RMDN2: variants seen among roughly 807,000 people sequenced by gnomAD.
The protein encoded by RMDN2 is regulator of microtubule dynamics 2.
In RMDN2, 61 loss-of-function variants were observed where a neutral mutation model predicts 52.8. The ratio of observed to expected loss-of-function variants is 1.16; its 90% CI spans 0.94 to 1.43. The LOEUF is 1.43. RMDN2 is among the 40% of genes most tolerant of loss of function. RMDN2 has a pLI of 0.00. For synonymous variants in RMDN2, 180 were observed against 153.1 expected (o/e 1.18, Z -1.30); for missense variants, 592 against 475.3 (o/e 1.25, Z -2.28).
In RMDN2 at chr2:37,997,451, T is replaced by A; in HGVS notation, c.981T>A (p.Ala327=). ...TGAGCTGGATTGAGAAAAAAATGGCTGCTACTCTGTTTGGAAAAATACCAT... is the reference window on the plus strand; with the variant it reads ...TGAGCTGGATTGAGAAAAAAATGGCAGCTACTCTGTTTGGAAAAATACCAT... ...SKLSWIEKKM[A]ATLFGKIPSS... The change falls in exon 8 of 11, where the codon GCT becomes GCA. Residue 327 remains alanine (A), a synonymous_variant. Coordinates refer to ENST00000354545, the MANE Select transcript of RMDN2 (RefSeq NM_001170791.3). The A allele has an allele frequency of 2.5e-6, 4 of 1,613,900 alleles. No homozygotes were observed. The highest frequency in any genetic ancestry group is 3.4e-6 in the Non-Finnish European group (4 of 1,179,832).
rs76405616 is a variant in RMDN2 at position 37,978,627 on chromosome 2, A to G, written c.731-2656A>G. Reference sequence around the variant, plus strand: ...GATAGCTTGAGCTCAGAAGCCCGAGACCAGCCTGGGCAACATAGGGAGACC... The same window carrying G: ...GATAGCTTGAGCTCAGAAGCCCGAGGCCAGCCTGGGCAACATAGGGAGACC... On this transcript the variant is annotated intron_variant, in intron 4 of 10. Transcript: ENST00000354545. Among the ~76,000 whole-genome samples the G allele has an allele frequency of 2.7e-3, 408 of 152,040 alleles. 10 individuals carry two copies. The East Asian group carries it at 0.067, about 25-fold the overall frequency.
upstream of RMDN2, among the ~76,000 whole-genome samples, chr2:37,922,777 C>G (rs145895308): frequency 5.8e-3 from 882 of 152,254 alleles, 12 homozygotes; most frequent in African/African-American, 0.02. Flanking sequence ...TGTGTAGCTT[C>G]TCAAGGGAAA....
intron 5 of RMDN2, among the ~76,000 whole-genome samples, chr2:37,988,008 A>C (rs1674265314): frequency 6.6e-6 from 1 of 152,146 alleles, no homozygotes; most frequent in African/African-American, 2.4e-5. Flanking sequence ...GCAGTGAGCC[A>C]AGATTGCACC....
chr2:38,060,468 T>G (rs1350113576), intron 10 of RMDN2, among the ~76,000 whole-genome samples: 1 of 152,218 alleles, frequency 6.6e-6, no homozygotes, highest in Non-Finnish European at 1.5e-5. Flanking sequence ...AGCTCTAGAA[T>G]GCCAACTGGA....
chr2:37,967,589 A>G (rs1671233487), intron 2 of RMDN2, among the ~76,000 whole-genome samples: 1 of 152,232 alleles, frequency 6.6e-6, no homozygotes, highest in African/African-American at 2.4e-5. Flanking sequence ...ACATCTACTT[A>G]TTATGAAAGT....
intron 10 of RMDN2, among the ~76,000 whole-genome samples, chr2:38,037,842 A>G (rs1680687357): frequency 6.6e-6 from 1 of 152,200 alleles, no homozygotes; most frequent in Admixed American, 6.5e-5. Context: ...TTTACAGATG[A>G]TGAAACTCTT....
chr2:38,060,345 A>G (rs1297571132), intron 10 of RMDN2, among the ~76,000 whole-genome samples: 1 of 152,152 alleles, frequency 6.6e-6, no homozygotes, highest in African/African-American at 2.4e-5. Flanking sequence ...CCATTTTTAC[A>G]GCAATCATTC....
intron 2 of RMDN2, among the ~76,000 whole-genome samples, chr2:37,948,898 A>T (rs191593096): frequency 6.6e-6 from 1 of 152,274 alleles, no homozygotes; most frequent in East Asian, 1.9e-4. Flanking sequence ...TTTAGTTACA[A>T]ATAATTATTT....
intron 10 of RMDN2, among the ~76,000 whole-genome samples, chr2:38,008,500 T>G (rs1284542857): frequency 2.6e-5 from 4 of 152,240 alleles, no homozygotes. Flanking sequence ...TGGTTTAAAG[T>G]CTGTTTTCTC....
intron 2 of RMDN2, among the ~76,000 whole-genome samples, chr2:37,967,291 T>C (rs1671186528): frequency 6.6e-6 from 1 of 152,218 alleles, no homozygotes; most frequent in African/African-American, 2.4e-5. Context: ...GTGCTAAAAC[T>C]GTTGCATCAA....
intron 2 of RMDN2, among the ~76,000 whole-genome samples, chr2:37,949,385 T>C (rs944198784): frequency 2.0e-5 from 3 of 152,170 alleles, no homozygotes; most frequent in Admixed American, 2.0e-4. Flanking sequence ...TGTAACACAA[T>C]CCACTGTGAA....
chr2:38,051,307 G>T (rs1433022837), intron 10 of RMDN2, among the ~76,000 whole-genome samples: 1 of 152,184 alleles, frequency 6.6e-6, no homozygotes, highest in Non-Finnish European at 1.5e-5. Flanking sequence ...AATGTGTCTG[G>T]AGGCACTGGT....
rs1676839755 is a variant in RMDN2 at position 38,004,831 on chromosome 2, A to G, written c.1179+615A>G. ...TTAACATTAGGTATATATATCTCCT[A>G]ATGCTATCCCTCCCCACTCCCCCCA... On this transcript the variant is annotated intron_variant, in intron 10 of 10. Transcript: ENST00000354545. 3.3e-5 allele frequency among the ~76,000 whole-genome samples: 5 copies of G among 151,868 alleles called. No homozygotes were observed. In the South Asian group the frequency reaches 1.0e-3, roughly 32 times the overall value.
intron 10 of RMDN2, among the ~76,000 whole-genome samples, chr2:38,008,037 G>C (rs1008766945): frequency 2.6e-5 from 4 of 152,126 alleles, no homozygotes; most frequent in African/African-American, 7.2e-5. Flanking sequence ...TCTTAATCCT[G>C]AGTTCTAGTT....
chr2:37,987,784 C>T (rs780405738), intron 5 of RMDN2, among the ~76,000 whole-genome samples: 21 of 152,122 alleles, frequency 1.4e-4, no homozygotes, highest in Middle Eastern at 3.2e-3. Context: ...GTTGGCCAGG[C>T]ACAGTGGCTC....
chr2:38,018,815 C>T (rs1279858759), downstream of RMDN2, among the ~76,000 whole-genome samples: 2 of 152,148 alleles, frequency 1.3e-5, no homozygotes, highest in Non-Finnish European at 2.9e-5. Flanking sequence ...TAATCAGCCT[C>T]ATCTTGGAAG....
Position 37,969,466 on chromosome 2 carries a change from T to C in RMDN2, c.453-4574T>C, listed in dbSNP as rs191812166. 3.6e-4 allele frequency among the ~76,000 whole-genome samples: 55 copies of C among 151,662 alleles called. No homozygotes were observed. The East Asian group carries it at 0.01, about 28-fold the overall frequency. On this transcript the variant is annotated intron_variant, in intron 2 of 10. Transcript: ENST00000354545. The stretch of plus-strand genomic sequence containing the variant: ...TTTTCATAGGTATCTTATATTTTTC[T>C]TACTATTATAAATGTTATATTTTTA...
At chr2:38,019,392 T>C (rs1679171395), downstream of RMDN2, among the ~76,000 whole-genome samples, 1 of 152,344 alleles carries the variant, frequency 6.6e-6, no homozygotes, top group East Asian at 1.9e-4. Flanking sequence ...TTATTGTTTC[T>C]CATAATATGT....
At chr2:38,016,552 T>C (rs1337304512) in intron 10 of RMDN2, among the ~76,000 whole-genome samples, 1 of 152,200 alleles carries the variant, frequency 6.6e-6, no homozygotes, top group Non-Finnish European at 1.5e-5. Flanking sequence ...AAAGCCTTCA[T>C]TTAATGATCT....
Sources: gnomAD v4.1 joint callset for allele counts (sites outside exome capture counted in the v4.1 genomes callset) on GRCh38, gnomAD v4.1.1 for gene constraint, MANE v1.5 for transcripts, NCBI Gene and HGNC (gene_info 2026-07-23, HGNC 2026-07-21) for gene names.